Variants in EYA2 observed in about 807,000 individuals in gnomAD.
The protein encoded by EYA2 is protein phosphatase EYA2.
In EYA2, 31 loss-of-function variants were observed where a neutral mutation model predicts 69.2. The ratio of observed to expected loss-of-function variants is 0.45; its 90% CI spans 0.34 to 0.60. The LOEUF is 0.60. Among genes scored for constraint, EYA2 ranks in the 20% least tolerant of loss-of-function variants. The pLI is 0.02. For synonymous variants in EYA2, 257 were observed against 279.4 expected (o/e 0.92, Z 0.80); for missense variants, 622 against 701.2 (o/e 0.89, Z 1.28).
chr20:47,142,416 A>G (rs1206840), intron 9 of EYA2, among the ~76,000 whole-genome samples: 2,898 of 152,352 alleles, frequency 0.019, 84 homozygotes, highest in African/African-American at 0.065. Flanking sequence ...GTTACTTAGT[A>G]CTGTATCTCT....
intron 4 of EYA2, among the ~76,000 whole-genome samples, chr20:47,013,242 A>G (rs1393785015): frequency 2.0e-5 from 3 of 152,120 alleles, no homozygotes; most frequent in African/African-American, 4.8e-5. Flanking sequence ...TCAACAGTGA[A>G]TGGGGTTGAG....
At chr20:46,905,122 A>G (rs1984290490) in intron 1 of EYA2, among the ~76,000 whole-genome samples, 1 of 152,228 alleles carries the variant, frequency 6.6e-6, no homozygotes, top group South Asian at 2.1e-4. Flanking sequence ...AGGAGGGAAG[A>G]AGGAGACATA....
At chr20:47,156,893 G>C (rs1218996728) in intron 10 of EYA2, among the ~76,000 whole-genome samples, 1 of 151,864 alleles carries the variant, frequency 6.6e-6, no homozygotes, top group Non-Finnish European at 1.5e-5. Context: ...ACGCAAATTT[G>C]TCAACAATTT....
At chr20:46,924,234 G>A (rs1402046331) in intron 1 of EYA2, among the ~76,000 whole-genome samples, 5 of 152,164 alleles carry the variant, frequency 3.3e-5, no homozygotes, top group Non-Finnish European at 7.3e-5. Flanking sequence ...CGGTATGGGT[G>A]GCACATGGAG....
chr20:46,959,293 G>C (rs542186613), intron 1 of EYA2, among the ~76,000 whole-genome samples: 13 of 152,308 alleles, frequency 8.5e-5, no homozygotes, highest in African/African-American at 3.1e-4. Flanking sequence ...TTAGTTCAGA[G>C]TCTCTCCCCT....
intron 4 of EYA2, among the ~76,000 whole-genome samples, chr20:47,006,931 T>C (rs1027116242): frequency 6.6e-6 from 1 of 152,184 alleles, no homozygotes; most frequent in Non-Finnish European, 1.5e-5. Flanking sequence ...AAAAAAGTTT[T>C]TTTAATTTTC....
intron 5 of EYA2, among the ~76,000 whole-genome samples, chr20:47,026,433 ATT>A (rs139254083): frequency 6.6e-6 from 1 of 150,916 alleles, no homozygotes; most frequent in African/African-American, 2.4e-5. Context: ...CAACTACAGA[ATT>A]TTTTTTTTCT....
chr20:47,105,938 G>A (rs530860806), intron 9 of EYA2, among the ~76,000 whole-genome samples: 227 of 152,250 alleles, frequency 1.5e-3, no homozygotes, highest in African/African-American at 5.2e-3. Context: ...ACTGCCCTGC[G>A]TTATTGTGCA....
At chr20:46,991,626 A>G (rs1981664438) in intron 2 of EYA2, among the ~76,000 whole-genome samples, 1 of 152,216 alleles carries the variant, frequency 6.6e-6, no homozygotes, top group African/African-American at 2.4e-5. Context: ...GTGAATTTGT[A>G]AAAATTGGGA....
At chr20:47,111,412 A>T (rs940345046) in intron 9 of EYA2, among the ~76,000 whole-genome samples, 1 of 152,208 alleles carries the variant, frequency 6.6e-6, no homozygotes, top group South Asian at 2.1e-4. Flanking sequence ...ACTGAGCTAG[A>T]CTGGGCTCTT....
chr20:46,951,927 C>T (rs1269290111), intron 1 of EYA2, among the ~76,000 whole-genome samples: 1 of 152,210 alleles, frequency 6.6e-6, no homozygotes, highest in Non-Finnish European at 1.5e-5. Flanking sequence ...GTCAGTTTCC[C>T]TCTCTCCCTC....
At chr20:47,144,226 G>T (rs2033656907) in intron 10 of EYA2, among the ~76,000 whole-genome samples, 2 of 151,992 alleles carry the variant, frequency 1.3e-5, no homozygotes, top group Admixed American at 6.6e-5. Flanking sequence ...CATGGTGGCG[G>T]GCACCTTTAG....
At chr20:46,952,209 G>GAGGGGCAGGGAGAGCC (rs1454806952) in intron 1 of EYA2, among the ~76,000 whole-genome samples, 2 of 152,114 alleles carry the variant, frequency 1.3e-5, no homozygotes, top group Non-Finnish European at 2.9e-5. Context: ...AGAGGCCTGA[G>GAGGGGCAGGGAGAGCC]AGGGGCAGGG....
At chr20:46,983,016 A>G (rs1249677945) in intron 1 of EYA2, among the ~76,000 whole-genome samples, 1 of 151,752 alleles carries the variant, frequency 6.6e-6, no homozygotes, top group Non-Finnish European at 1.5e-5. Flanking sequence ...CAGGTGATCC[A>G]CCTGCCTTGG....
chr20:47,117,697 A>G, intron 9 of EYA2: 1 of 985,432 alleles, frequency 1.0e-6, no homozygotes, highest in Non-Finnish European at 1.2e-6. Flanking sequence ...GTTAAAAACT[A>G]TTTGTAGAAG....
intron 5 of EYA2, among the ~76,000 whole-genome samples, chr20:47,057,522 C>A (rs984310713): frequency 6.7e-6 from 1 of 148,312 alleles, no homozygotes; most frequent in South Asian, 2.1e-4. Context: ...CCCCCCCCCC[C>A]ATCTCATACC....
chr20:46,905,921 A>G (rs886215069), intron 1 of EYA2, among the ~76,000 whole-genome samples: 2 of 152,230 alleles, frequency 1.3e-5, no homozygotes, highest in Admixed American at 1.3e-4. Flanking sequence ...TACTTGCCCC[A>G]GGCACATTCC....
chr20:46,931,553 T>A (rs1036139761), intron 1 of EYA2, among the ~76,000 whole-genome samples: 5 of 152,146 alleles, frequency 3.3e-5, no homozygotes, highest in Non-Finnish European at 4.4e-5. Flanking sequence ...GGGGATGAAA[T>A]GAGATCACGT....
intron 5 of EYA2, among the ~76,000 whole-genome samples, chr20:47,054,351 T>G (rs1170864109): frequency 1.3e-5 from 2 of 152,204 alleles, no homozygotes; most frequent in Non-Finnish European, 2.9e-5. Flanking sequence ...CACGTCTCAT[T>G]CATCGCAGTT....
Sources: allele counts gnomAD v4.1 joint callset (sites outside exome capture counted in the v4.1 genomes callset), GRCh38; gene constraint gnomAD v4.1.1; transcripts MANE v1.5; gene names NCBI Gene and HGNC (gene_info 2026-07-23, HGNC 2026-07-21).